ZNF839: variants seen among roughly 807,000 people sequenced by gnomAD.
The protein encoded by ZNF839 is renal carcinoma antigen NY-REN-50.
ZNF839 carries 38 observed loss-of-function variants against 56.4 expected under a neutral mutation model. The observed-to-expected ratio is 0.67, with a 90% CI of 0.52 to 0.88. The LOEUF (loss-of-function observed/expected upper bound fraction) is 0.88, where lower values mean the gene tolerates loss of function less well. Among genes scored for constraint, ZNF839 ranks in the 40% least tolerant of loss-of-function variants. The pLI, the probability that ZNF839 is intolerant of heterozygous loss-of-function variation, is 0.00. For missense variants in ZNF839, 1,091 were observed against 1,177.6 expected, an observed-to-expected ratio of 0.93 and a Z score of 1.08; for synonymous variants, 486 against 493.5, an observed-to-expected ratio of 0.98 and a Z score of 0.20.
chr14:102,324,912 T>A (rs556611123), intron 1 of ZNF839, among the ~76,000 whole-genome samples: 1 of 143,778 alleles, frequency 7.0e-6, no homozygotes, highest in Non-Finnish European at 1.5e-5. Context: ...ATAGTGTCGC[T>A]CCACTCCAGC....
chr14:102,320,545 A>G (rs1301279702), intron 1 of ZNF839, among the ~76,000 whole-genome samples: 4 of 152,202 alleles, frequency 2.6e-5, no homozygotes, highest in South Asian at 2.1e-4. Flanking sequence ...TGAAACATAA[A>G]TGAATTAAAA....
At chr14:102,335,660 C>T (rs1444956057) in intron 4 of ZNF839, 29 bp from the exon 5 acceptor site, 2 of 1,544,632 alleles carry the variant, frequency 1.3e-6, no homozygotes, top group Admixed American at 2.0e-5. Flanking sequence ...TGAGTTTAAA[C>T]TTTTTTTTTG....
upstream of ZNF839, chr14:102,319,712 C>T (rs2073011610): frequency 2.5e-6 from 3 of 1,223,646 alleles, no homozygotes; most frequent in African/African-American, 3.1e-5. The surrounding 1 kb of genome is among the most constrained non-coding windows in gnomAD (Gnocchi z 4.5). Flanking sequence ...AGGTGACGTA[C>T]ATTGGAGACG....
At chr14:102,341,169 T>A (rs1200456542) in intron 7 of ZNF839, 154 bp from the exon 8 acceptor site, 12 of 807,334 alleles carry the variant, frequency 1.5e-5, no homozygotes, top group East Asian at 1.2e-4. Context: ...ACGTATTTTT[T>A]AAAATTGCTA....
chr14:102,342,030 C>T lies in ZNF839; in HGVS notation c.2635C>T (p.His879Tyr). 1 of 1,614,008 alleles carries T rather than the reference C, an allele frequency of 6.2e-7. No individual in the cohort carries two copies. The highest frequency in any genetic ancestry group is 8.5e-7 in the Non-Finnish European group (1 of 1,179,882). The stretch of plus-strand genomic sequence containing the variant: ...GGCTTTTGAAATTTCCAATGGGAGC[C>T]ATGAGTTACTGTCTCAGGGACAGAA... ...AMAFEISNGS[H>Y]ELLSQGQKQI... is the part of the protein sequence containing the mutation. The change falls in exon 8 of 8, where the codon CAT (histidine) becomes TAT (tyrosine). Residue 879 changes from histidine to tyrosine, a missense_variant. Physicochemically the swap from His to Tyr is moderately conservative, Grantham distance 83. This residue lies in a region of ZNF839 where 431 missense variants were observed against 468.0 expected (regional missense o/e 0.92). Coordinates refer to ENST00000442396, the MANE Select transcript of ZNF839 (RefSeq NM_018335.6).
chr14:102,339,903 A>G (rs1217919136), intron 7 of ZNF839, among the ~76,000 whole-genome samples: 2 of 152,186 alleles, frequency 1.3e-5, no homozygotes, highest in Non-Finnish European at 2.9e-5. Flanking sequence ...ACATTTGAAA[A>G]CAAGACAGGT....
At position 102,341,462 on chromosome 14, in the gene ZNF839, G is replaced by T. The variant is rs771687875; in HGVS notation, c.2067G>T (p.Gly689=). Residue 689 remains glycine (G), a synonymous_variant, in exon 8 of 8, where the codon GGG becomes GGT. Coordinates refer to ENST00000442396, the MANE Select transcript of ZNF839 (RefSeq NM_018335.6). ...TGGCTAACTTAGAAGCCAGGAGGGG[G>T]TCTATAGGTGCTGCTCTCTCATCCC... ...QALANLEARR[G]SIGAALSSRD... is the part of the protein sequence containing the mutation. 6.3e-7 allele frequency: 1 copy of T among 1,598,648 alleles called. No individual in the cohort carries two copies. The highest frequency in any genetic ancestry group is 8.5e-7 in the Non-Finnish European group (1 of 1,171,354).
chr14:102,323,791 T>G (rs1456293362), intron 1 of ZNF839, among the ~76,000 whole-genome samples: 1 of 152,184 alleles, frequency 6.6e-6, no homozygotes, highest in Non-Finnish European at 1.5e-5. Context: ...TCGTGAAGAT[T>G]CAGAGCAGAA....
chr14:102,331,416 T>C, intron 2 of ZNF839: 1 of 513,946 alleles, frequency 1.9e-6, no homozygotes, highest in Non-Finnish European at 3.5e-6. Flanking sequence ...GCCTGGCTAA[T>C]TTTTTGTATT....
intron 1 of ZNF839, among the ~76,000 whole-genome samples, 158 bp downstream of exon 1, chr14:102,320,211 T>TGTG (rs2073052377): frequency 6.6e-6 from 1 of 152,156 alleles, no homozygotes; most frequent in Non-Finnish European, 1.5e-5. Context: ...GGCCCCCACC[T>TGTG]GTCACCACCC....
chr14:102,333,555 G>A (rs1011023517), intron 3 of ZNF839, among the ~76,000 whole-genome samples: 8 of 152,102 alleles, frequency 5.3e-5, no homozygotes, highest in African/African-American at 1.7e-4. Flanking sequence ...GAGCCACTGC[G>A]TCTGGCCTTC....
At chr14:102,337,840 A>G (rs1597732450) in intron 5 of ZNF839, 1 of 152,226 alleles carries the variant, frequency 6.6e-6, no homozygotes, top group Admixed American at 6.5e-5. Flanking sequence ...TATAACATCC[A>G]TGTATAAATG....
Position 102,319,899 on chromosome 14 carries a change from T to C in ZNF839, c.134T>C (p.Leu45Pro). 8.2e-7 allele frequency: 1 copy of C among 1,215,568 alleles called. No homozygotes were observed. Among genetic ancestry groups the C allele is most frequent in the Non-Finnish European group, 1.0e-6 (1 of 970,032 alleles). The allele number at this position is 1,215,568 out of a possible 1,614,324, so 75.3% of individuals were successfully genotyped here. A position where few individuals can be genotyped will look rare whatever the true frequency, so the allele number is the denominator to read the frequency against. Residue 45 changes from leucine to proline, a missense_variant, in exon 1 of 8, where the codon CTG (leucine) becomes CCG (proline). Transcript: ENST00000442396. The surrounding 1 kb of genome is among the most constrained non-coding windows in gnomAD (Gnocchi z 4.5). ...GGCCCCGAGCAGCTGCGGCAGGTCC[T>C]GGAGCAGGTGACGAAGGCGCAGCCG... ...PLGPEQLRQV[L>P]EQVTKAQPPP...
In ZNF839 at chr14:102,332,496, T is replaced by C. The variant is rs575985665; in HGVS notation, c.1416+650T>C. Among the ~76,000 whole-genome samples, 1 of 152,282 alleles carries C rather than the reference T, an allele frequency of 6.6e-6. No homozygotes were observed. The highest frequency in any genetic ancestry group is 1.9e-4 in the East Asian group (1 of 5,184). The stretch of plus-strand genomic sequence containing the variant: ...AGAAATGGATATTAATTTATACATT[T>C]ACTGGGTGTCCATCAAGTATCAGTC... On this transcript the variant is annotated intron_variant, in intron 3 of 7. Transcript: ENST00000442396. The surrounding 1 kb of genome is among the most constrained non-coding windows in gnomAD (Gnocchi z 4.9).
chr14:102,321,881 C>T (rs1489908812), intron 1 of ZNF839, among the ~76,000 whole-genome samples: 1 of 152,060 alleles, frequency 6.6e-6, no homozygotes, highest in Non-Finnish European at 1.5e-5. Flanking sequence ...TTTCAACAAC[C>T]ACAGCAGAAG....
chr14:102,341,191 G>C, intron 7 of ZNF839, 132 bp from the exon 8 acceptor site: 1 of 1,085,748 alleles, frequency 9.2e-7, no homozygotes, highest in South Asian at 2.9e-5. Context: ...CAATCCCAAG[G>C]AGCAAGGAGC....
Position 102,332,121 on chromosome 14 carries a change from G to T in ZNF839, c.1416+275G>T, listed in dbSNP as rs761550407. 1.3e-5 allele frequency among the ~76,000 whole-genome samples: 2 copies of T among 152,132 alleles called. No individual in the cohort carries two copies. Among genetic ancestry groups the T allele is most frequent in the Non-Finnish European group, 2.9e-5 (2 of 68,022 alleles). ...TATGGAAGCAGTTTAGAAAACAACGGAAGTGGTTTTCAAAACCATTCTTTT... is the reference window on the plus strand; with the variant it reads ...TATGGAAGCAGTTTAGAAAACAACGTAAGTGGTTTTCAAAACCATTCTTTT... On this transcript the variant is annotated intron_variant, in intron 3 of 7. Coordinates refer to ENST00000442396, the MANE Select transcript of ZNF839 (RefSeq NM_018335.6). This position sits in a 1 kb window ranked among gnomAD's most constrained non-coding sequence, Gnocchi z 4.9.
chr14:102,341,159 A>C, intron 7 of ZNF839, 164 bp from the exon 8 acceptor site: 1 of 580,650 alleles, frequency 1.7e-6, no homozygotes. Flanking sequence ...GAGAATAGGG[A>C]CGTATTTTTT....
upstream of ZNF839, among the ~76,000 whole-genome samples, chr14:102,318,632 CAA>C (rs200585269): frequency 9.6e-5 from 12 of 124,554 alleles, no homozygotes; most frequent in Non-Finnish European, 3.6e-5. Context: ...GATCTTGTCT[CAA>C]AAAAAAAAAA....
Sources: allele counts gnomAD v4.1 joint callset (sites outside exome capture counted in the v4.1 genomes callset), GRCh38; gene constraint gnomAD v4.1.1; regional missense constraint gnomAD v4.1.1; non-coding constraint Gnocchi (gnomAD v3.1); transcripts MANE v1.5; gene names NCBI Gene and HGNC (gene_info 2026-07-23, HGNC 2026-07-21).